Variants in ERICH6B observed in about 807,000 individuals in gnomAD.
ERICH6B encodes glutamate-rich protein 6B.
Under a neutral mutation model 80.0 loss-of-function variants are expected in ERICH6B, and 69 were observed. The ratio of observed to expected loss-of-function variants is 0.86; its 90% CI spans 0.71 to 1.05. The LOEUF (loss-of-function observed/expected upper bound fraction) is 1.05, where lower values mean the gene tolerates loss of function less well. Among genes scored for constraint, ERICH6B ranks in the 50% least tolerant of loss-of-function variants. The pLI is 0.00. For synonymous variants in ERICH6B, 283 were observed against 291.9 expected (o/e 0.97, Z 0.31); for missense variants, 754 against 796.1 (o/e 0.95, Z 0.64).
intron 5 of ERICH6B, among the ~76,000 whole-genome samples, chr13:45,582,034 G>A (rs1458973270): frequency 6.6e-6 from 1 of 152,206 alleles, no homozygotes; most frequent in Admixed American, 6.5e-5. Flanking sequence ...TCAGGTCTTG[G>A]TTTTGTGTGG....
chr13:45,568,471 T>A lies in ERICH6B; in HGVS notation c.1051-20A>T, dbSNP rs1419248460. The stretch of plus-strand genomic sequence containing the variant: ...CAAAAACTACAAAAGGATCAAAGAA[T>A]GAAATATTCAGAAAATGGAAATTAA... On this transcript the variant is annotated intron_variant, in intron 8 of 14. Transcript: ENST00000298738. 6.8e-7 allele frequency: 1 copy of A among 1,474,126 alleles called. No homozygotes were observed. Among genetic ancestry groups the A allele is most frequent in the East Asian group, 2.6e-5 (1 of 37,744 alleles). 91.3% of individuals were successfully genotyped at this position (1,474,126 alleles called of 1,614,324 possible). A position where few individuals can be genotyped will look rare whatever the true frequency, so the allele number is the denominator to read the frequency against.
chr13:45,572,078 A>G (rs1373474067), intron 8 of ERICH6B, among the ~76,000 whole-genome samples: 5 of 152,248 alleles, frequency 3.3e-5, no homozygotes, highest in African/African-American at 1.2e-4. Context: ...GCTTTCTCCC[A>G]GGAGACCTAG....
chr13:45,576,746 G>A (rs557229849), intron 7 of ERICH6B, among the ~76,000 whole-genome samples: 5 of 152,154 alleles, frequency 3.3e-5, no homozygotes, highest in Non-Finnish European at 5.9e-5. Flanking sequence ...AATGTGAGCT[G>A]GTACAAAAGG....
chr13:45,611,540 A>T (rs1396076811), intron 1 of ERICH6B, among the ~76,000 whole-genome samples: 1 of 152,242 alleles, frequency 6.6e-6, no homozygotes, highest in Non-Finnish European at 1.5e-5. Flanking sequence ...TAGAAAAGAC[A>T]GTTTCCTCAG....
chr13:45,583,229 A>G (rs899365789), intron 5 of ERICH6B, among the ~76,000 whole-genome samples: 8 of 152,250 alleles, frequency 5.3e-5, no homozygotes, highest in Non-Finnish European at 1.2e-4. Context: ...TCCCTGAATC[A>G]TTAATCAGCA....
intron 2 of ERICH6B, among the ~76,000 whole-genome samples, chr13:45,605,064 T>C (rs970238807): frequency 6.6e-6 from 1 of 152,062 alleles, no homozygotes; most frequent in African/African-American, 2.4e-5. Context: ...GCCCCTGGAA[T>C]CCCTGAGGCC....
At chr13:45,599,999 TGGA>T (rs1023757375) in intron 2 of ERICH6B, among the ~76,000 whole-genome samples, 5 of 152,182 alleles carry the variant, frequency 3.3e-5, no homozygotes, top group African/African-American at 1.2e-4. Context: ...CAGTGCTTTT[TGGA>T]GGAGGAGAGG....
At chr13:45,580,086 C>G in intron 6 of ERICH6B, 112 bp from the exon 7 acceptor site, 1 of 933,516 alleles carries the variant, frequency 1.1e-6, no homozygotes, top group Non-Finnish European at 1.6e-6. Context: ...ATCTGGGAAG[C>G]CTCAGGGTGG....
At chr13:45,589,606 C>A (rs1340034373) in intron 4 of ERICH6B, among the ~76,000 whole-genome samples, 1 of 152,210 alleles carries the variant, frequency 6.6e-6, no homozygotes, top group Non-Finnish European at 1.5e-5. Flanking sequence ...GATTAAGTGG[C>A]TGCCCTGTAG....
chr13:45,598,130 C>A (rs965713810), intron 2 of ERICH6B, among the ~76,000 whole-genome samples: 1 of 152,182 alleles, frequency 6.6e-6, no homozygotes, highest in Non-Finnish European at 1.5e-5. Flanking sequence ...TCCTTCCCTG[C>A]CCCCACCCTG....
chr13:45,601,462 C>G (rs1001038085), intron 2 of ERICH6B, among the ~76,000 whole-genome samples: 2 of 152,138 alleles, frequency 1.3e-5, no homozygotes, highest in African/African-American at 2.4e-5. Flanking sequence ...GCCAGTCTGT[C>G]CAGCCCTCCC....
intron 1 of ERICH6B, among the ~76,000 whole-genome samples, chr13:45,608,762 G>A (rs1949883353): frequency 6.6e-6 from 1 of 152,206 alleles, no homozygotes. Flanking sequence ...ACAAGGATGA[G>A]ATATTCATTA....
intron 11 of ERICH6B, chr13:45,551,660 T>C (rs1485900540): frequency 6.6e-6 from 1 of 152,218 alleles, no homozygotes; most frequent in Non-Finnish European, 1.5e-5. Context: ...CAAAAACATG[T>C]GTTGGAAATT....
intron 4 of ERICH6B, among the ~76,000 whole-genome samples, chr13:45,589,844 C>T (rs1430964669): frequency 6.6e-6 from 1 of 152,204 alleles, no homozygotes; most frequent in Non-Finnish European, 1.5e-5. Flanking sequence ...CTGTCAGAGG[C>T]CTTGCAGTGC....
chr13:45,596,863 G>C lies in ERICH6B; in HGVS notation c.143C>G (p.Pro48Arg), dbSNP rs1429312042. The change falls in exon 3 of 15, where the codon CCA (proline) becomes CGA (arginine). Residue 48 changes from proline (P) to arginine (R), a missense_variant. Physicochemically the swap from Pro to Arg is moderately radical, Grantham distance 103. Coordinates refer to ENST00000298738, the MANE Select transcript of ERICH6B (RefSeq NM_182542.3). ...LDEESLQDES[P>R]FSPEGESLED... is the part of the protein sequence containing the mutation. The stretch of plus-strand genomic sequence containing the variant: ...CAGAGACTCTCCCTCTGGAGAAAAT[G>C]GAGATTCATCCTGTAGACTTTCCTC... The C allele has an allele frequency of 2.6e-6, 4 of 1,551,714 alleles. No homozygotes were observed. Among genetic ancestry groups the C allele is most frequent in the Non-Finnish European group, 3.5e-6 (4 of 1,147,028 alleles).
intron 14 of ERICH6B, among the ~76,000 whole-genome samples, chr13:45,544,497 C>G (rs1421019626): frequency 6.6e-6 from 1 of 152,216 alleles, no homozygotes; most frequent in Non-Finnish European, 1.5e-5. Flanking sequence ...CCTGGGGTTA[C>G]AGATGCAAGT....
rs778879078 is a variant in ERICH6B at position 45,567,748 on chromosome 13, C to T, written c.1187+567G>A. On this transcript the variant is annotated intron_variant, in intron 9 of 14. Transcript: ENST00000298738. ...GGCTGGAACAGTTTGTGACCTGGGGCCTTGCCAGCTAGAAAGACCTGATGC... is the reference window on the plus strand; with the variant it reads ...GGCTGGAACAGTTTGTGACCTGGGGTCTTGCCAGCTAGAAAGACCTGATGC... Among the ~76,000 whole-genome samples the T allele has an allele frequency of 3.3e-5, 5 of 152,246 alleles. No homozygotes were observed. The East Asian group carries it at 9.6e-4, about 29-fold the overall frequency.
intron 11 of ERICH6B, chr13:45,555,519 C>T (rs1566287197): frequency 6.6e-6 from 1 of 152,180 alleles, no homozygotes; most frequent in East Asian, 1.9e-4. Context: ...ATTGCTTTTC[C>T]TCTTAGTGCA....
intron 9 of ERICH6B, among the ~76,000 whole-genome samples, chr13:45,565,856 G>T (rs1170987632): frequency 6.6e-6 from 1 of 152,216 alleles, no homozygotes; most frequent in Non-Finnish European, 1.5e-5. Context: ...TGAAAATGCG[G>T]AAGTGACTTT....
Sources: gnomAD v4.1 joint callset for allele counts (sites outside exome capture counted in the v4.1 genomes callset) on GRCh38, gnomAD v4.1.1 for gene constraint, MANE v1.5 for transcripts, NCBI Gene and HGNC (gene_info 2026-07-23, HGNC 2026-07-21) for gene names.